The following ABL2 variants were observed in gnomAD, a reference collection of about 807,000 sequenced individuals.
The protein encoded by ABL2 is tyrosine-protein kinase ABL2.
Under a neutral mutation model 107.7 loss-of-function variants are expected in ABL2, and 49 were observed. The observed-to-expected ratio is 0.45, with a 90% confidence interval of 0.36 to 0.58. ABL2 has a LOEUF of 0.58. Among genes scored for constraint, ABL2 ranks in the 20% least tolerant of loss-of-function variants. The pLI, the probability that ABL2 is intolerant of heterozygous loss-of-function variation, is 0.00. For missense variants in ABL2, 1,245 were observed against 1,457.0 expected (o/e 0.85, Z 2.37); for synonymous variants, 549 against 548.6 (o/e 1.00, Z -0.01).
intron 5 of ABL2, 97 bp downstream of exon 5, chr1:179,121,498 A>C: frequency 6.7e-7 from 1 of 1,481,622 alleles, no homozygotes; most frequent in Non-Finnish European, 9.2e-7. Context: ...TAGTGGGTGG[A>C]AAGTGTTCCA....
chr1:179,195,822 C>A (rs1033923608), intron 1 of ABL2, among the ~76,000 whole-genome samples: 1 of 152,096 alleles, frequency 6.6e-6, no homozygotes, highest in African/African-American at 2.4e-5. Context: ...ATATGAGGAA[C>A]CTAGAGTAGT....
At chr1:179,177,293 G>C (rs1660105531) in intron 1 of ABL2, among the ~76,000 whole-genome samples, 1 of 152,182 alleles carries the variant, frequency 6.6e-6, no homozygotes, top group Non-Finnish European at 1.5e-5. Flanking sequence ...TAAGCATCCT[G>C]ATTATTCCAA....
intron 7 of ABL2, among the ~76,000 whole-genome samples, chr1:179,118,061 G>C (rs1409570079): frequency 1.3e-5 from 2 of 152,138 alleles, no homozygotes; most frequent in Non-Finnish European, 2.9e-5. Flanking sequence ...GCTGAGGTGG[G>C]AGGATGGCTT....
At chr1:179,182,285 A>G (rs1478524219) in intron 1 of ABL2, among the ~76,000 whole-genome samples, 2 of 151,874 alleles carry the variant, frequency 1.3e-5, no homozygotes, top group Non-Finnish European at 2.9e-5. Flanking sequence ...GTGGCTGGAG[A>G]AAAAAAAGCA....
chr1:179,119,832 T>C (rs1427813110), intron 6 of ABL2, among the ~76,000 whole-genome samples: 8 of 152,250 alleles, frequency 5.3e-5, no homozygotes, highest in African/African-American at 1.7e-4. Flanking sequence ...TAGTACAAAC[T>C]GAGCAGTTTT....
chr1:179,134,793 G>T (rs1034829372), intron 1 of ABL2, among the ~76,000 whole-genome samples: 9 of 151,960 alleles, frequency 5.9e-5, no homozygotes, highest in East Asian at 1.9e-4. Flanking sequence ...GAAGCTGGAC[G>T]GTACTGCTGC....
chr1:179,198,706 A>C (rs1661478934), intron 1 of ABL2, among the ~76,000 whole-genome samples: 2 of 150,744 alleles, frequency 1.3e-5, no homozygotes, highest in African/African-American at 2.4e-5. Flanking sequence ...AAAAAAAAAA[A>C]AAAAAAAAAA....
In ABL2 at chr1:179,126,770, A is replaced by G. The variant is rs1655760900; in HGVS notation, c.392-98T>C. The G allele has an allele frequency of 1.6e-6, 2 of 1,263,340 alleles. No individual in the cohort carries two copies. The highest frequency in any genetic ancestry group is 2.1e-6 in the Non-Finnish European group (2 of 944,734). 78.3% of individuals were successfully genotyped at this position (1,263,340 alleles called of 1,614,324 possible). On this transcript the variant is annotated intron_variant, in intron 3 of 11. Transcript: ENST00000502732. The surrounding 1 kb of genome is among the most constrained non-coding windows in gnomAD (Gnocchi z 4.4). ...AAACTTTAAACTCATTAAAAAAAAA[A>G]AAGAATCTAGAACTTTTATGCCAAA... is the stretch of plus-strand genomic sequence containing the variant.
chr1:179,211,723 C>T (rs1326176699), intron 1 of ABL2, among the ~76,000 whole-genome samples: 1 of 149,884 alleles, frequency 6.7e-6, no homozygotes, highest in African/African-American at 2.5e-5. Flanking sequence ...ACTGCGAACC[C>T]GGGTGATGGA....
chr1:179,185,428 A>G (rs1209555759), intron 1 of ABL2, among the ~76,000 whole-genome samples: 1 of 152,078 alleles, frequency 6.6e-6, no homozygotes, highest in African/African-American at 2.4e-5. Context: ...CTCTATTGTA[A>G]TTTTCACCCT....
Position 179,111,407 on chromosome 1 carries a change from T to C in ABL2, c.1651+902A>G, listed in dbSNP as rs559111728. On this transcript the variant is annotated intron_variant, in intron 10 of 11. Coordinates refer to ENST00000502732, the MANE Select transcript of ABL2 (RefSeq NM_007314.4). ...TTCAAGTGATTCTCCTGCCTCAGCC[T>C]CCCAAGTAGCTGGGATTACAGGCGC... Among the ~76,000 whole-genome samples, 251 of 147,700 alleles carry C rather than the reference T, an allele frequency of 1.7e-3. 1 individual carries two copies. The highest frequency in any genetic ancestry group is 6.1e-3 in the African/African-American group (243 of 40,038).
chr1:179,227,904 A>T (rs1663310722), intron 1 of ABL2, among the ~76,000 whole-genome samples: 2 of 151,940 alleles, frequency 1.3e-5, no homozygotes, highest in South Asian at 4.1e-4. Context: ...ACAAAAAATT[A>T]GCCGGGTGTG....
intron 1 of ABL2, among the ~76,000 whole-genome samples, chr1:179,223,098 A>G (rs1298584135): frequency 7.3e-6 from 1 of 136,880 alleles, no homozygotes; most frequent in African/African-American, 2.8e-5. Flanking sequence ...AGACAGAGCA[A>G]GGCTCCCTCT....
intron 1 of ABL2, among the ~76,000 whole-genome samples, chr1:179,200,453 G>C (rs12134611): frequency 0.095 from 14,385 of 152,216 alleles, 715 homozygotes; most frequent in African/African-American, 0.12. Flanking sequence ...TAGACAGCAA[G>C]GTACAGTTTC....
chr1:179,226,085 C>CAG (rs1259605084), intron 1 of ABL2, among the ~76,000 whole-genome samples: 30 of 131,674 alleles, frequency 2.3e-4, no homozygotes, highest in African/African-American at 7.3e-4. Context: ...CTATGATGTA[C>CAG]AGAAAAAAAC....
Position 179,195,574 on chromosome 1 carries a change from C to T in ABL2, c.157+33667G>A, listed in dbSNP as rs143895299. Among the ~76,000 whole-genome samples, 110 of 152,270 alleles carry T rather than the reference C, an allele frequency of 7.2e-4. No individual in the cohort carries two copies. The Middle Eastern group carries it at 0.027, about 38-fold the overall frequency. ...GAAAGCAGGAACTCAGATATACTTG[C>T]ATGCCCATGTTCACTGCAGCATTAG... is the stretch of plus-strand genomic sequence containing the variant. On this transcript the variant is annotated intron_variant, in intron 1 of 11. Coordinates refer to ENST00000502732, the MANE Select transcript of ABL2 (RefSeq NM_007314.4).
Position 179,108,196 on chromosome 1 carries a change from T to C in ABL2, c.3071A>G (p.Lys1024Arg), listed in dbSNP as rs1326532721. The change falls in exon 12 of 12, where the codon AAG becomes AGG. Residue 1024 changes from lysine to arginine, a missense_variant. By Grantham distance (26) the Lys-to-Arg change is conservative. Around this residue, in one of 3 missense-constraint regions of ABL2, gnomAD observed 761 missense variants for 766.4 expected, o/e 0.99. Transcript: ENST00000502732. ...STSETQEGGKKAALGAVPISG... is the reference protein window; with the variant it reads ...STSETQEGGKRAALGAVPISG... ...GATGGGCACTGCGCCCAGAGCTGCCTTCTTTCCTCCTTCCTGTGTTTCTGA... is the reference window on the plus strand; with the variant it reads ...GATGGGCACTGCGCCCAGAGCTGCCCTCTTTCCTCCTTCCTGTGTTTCTGA... 4.3e-6 allele frequency: 7 copies of C among 1,614,080 alleles called. No individual in the cohort carries two copies. The highest frequency in any genetic ancestry group is 5.9e-6 in the Non-Finnish European group (7 of 1,180,046).
chr1:179,210,058 T>A (rs1352853580), intron 1 of ABL2, among the ~76,000 whole-genome samples: 1 of 151,840 alleles, frequency 6.6e-6, no homozygotes, highest in Non-Finnish European at 1.5e-5. Flanking sequence ...AAGACAGGGG[T>A]CTTGCTATTT....
At chr1:179,207,314 T>C (rs956112425) in intron 1 of ABL2, among the ~76,000 whole-genome samples, 3 of 152,096 alleles carry the variant, frequency 2.0e-5, no homozygotes, top group Admixed American at 2.0e-4. Context: ...ACGTATCCAA[T>C]CAGAATGTTA....
Sources: allele counts gnomAD v4.1 joint callset (sites outside exome capture counted in the v4.1 genomes callset), GRCh38; gene constraint gnomAD v4.1.1; regional missense constraint gnomAD v4.1.1; non-coding constraint Gnocchi (gnomAD v3.1); transcripts MANE v1.5; gene names NCBI Gene and HGNC (gene_info 2026-07-23, HGNC 2026-07-21).